Variants in KCNT1 observed in about 807,000 individuals in gnomAD.
KCNT1 encodes the protein potassium channel subfamily T member 1.
KCNT1 carries 78 observed loss-of-function variants against 147.8 expected under a neutral mutation model. The observed-to-expected ratio is 0.53, with a 90% confidence interval of 0.44 to 0.64. The LOEUF (loss-of-function observed/expected upper bound fraction) is 0.64, where lower values mean the gene tolerates loss of function less well. Ranked by LOEUF, KCNT1 falls within the 30% of genes least tolerant of loss-of-function variation. The probability of loss-of-function intolerance (pLI) is 0.00; values close to 1 mark genes in which losing one functional copy is unlikely to be tolerated. For synonymous variants in KCNT1, 867 were observed against 748.8 expected (o/e 1.16, Z -2.58); for missense variants, 1,419 against 1,750.3 (o/e 0.81, Z 3.38).
intron 24 of KCNT1, among the ~76,000 whole-genome samples, chr9:135,781,227 C>T (rs113097076): frequency 0.025 from 3,779 of 152,316 alleles, 71 homozygotes; most frequent in Middle Eastern, 0.041. Context: ...ATCAGGACAT[C>T]GGCAAAGCCT....
intron 2 of KCNT1, among the ~76,000 whole-genome samples, chr9:135,734,320 A>C (rs1418360648): frequency 6.6e-6 from 1 of 152,162 alleles, no homozygotes; most frequent in Non-Finnish European, 1.5e-5. Flanking sequence ...GGCTCCAGCC[A>C]TGGGCCCTGC....
rs368435667 is a variant in KCNT1 at position 135,721,530 on chromosome 9, G to A, written c.254+6810G>A. 5.9e-5 allele frequency among the ~76,000 whole-genome samples: 9 copies of A among 152,312 alleles called. No homozygotes were observed. The East Asian group carries it at 7.8e-4, about 13-fold the overall frequency. On this transcript the variant is annotated intron_variant, in intron 2 of 30. Transcript: ENST00000371757. ...CCAGGCAGGCTGGGGTCTCCTGGCC[G>A]GGGGAGGGTGCCGGCCATGCGCATA...
Position 135,752,632 on chromosome 9 carries a change from TGGATGGACGGACGGACGGATGGAC to T in KCNT1, c.435-1297_435-1274del, listed in dbSNP as rs1195796903. 4.0e-5 allele frequency among the ~76,000 whole-genome samples: 6 copies of T among 149,942 alleles called. No individual in the cohort carries two copies. Among genetic ancestry groups the T allele is most frequent in the African/African-American group, 1.5e-4 (6 of 40,130 alleles). ...GGTTGGATGGATGGTGGATGATGGA[TGGATGGACGGACGGACGGATGGAC>T]GGATGGATGGAGTGGATGGAGGGAT... On this transcript the variant is annotated intron_variant, in intron 4 of 30. Coordinates refer to ENST00000371757, the MANE Select transcript of KCNT1 (RefSeq NM_020822.3). This position sits in a 1 kb window ranked among gnomAD's most constrained non-coding sequence, Gnocchi z 5.1.
chr9:135,716,369 G>T lies in KCNT1; in HGVS notation c.254+1649G>T, dbSNP rs1203228126. On this transcript the variant is annotated intron_variant, in intron 2 of 30. Transcript: ENST00000371757. ...TGGACAGCAGAGGCTTTTGCTGTCC[G>T]CCTAGAGAGAACCATGCCCATCCCT... is the stretch of plus-strand genomic sequence containing the variant. Among the ~76,000 whole-genome samples, 4 of 152,130 alleles carry T rather than the reference G, an allele frequency of 2.6e-5. No individual in the cohort carries two copies. The East Asian group carries it at 5.8e-4, about 22-fold the overall frequency.
intron 2 of KCNT1, among the ~76,000 whole-genome samples, chr9:135,715,074 C>G (rs941744836): frequency 6.6e-6 from 1 of 152,172 alleles, no homozygotes; most frequent in Non-Finnish European, 1.5e-5. Flanking sequence ...GGAAGCGCCC[C>G]GGTGGCGGAG....
intron 6 of KCNT1, among the ~76,000 whole-genome samples, chr9:135,756,555 C>G (rs1831491712): frequency 6.6e-6 from 1 of 152,298 alleles, no homozygotes; most frequent in Middle Eastern, 3.4e-3. Flanking sequence ...GTTCCCTCCC[C>G]ACCAGGGCAG....
At chr9:135,753,664 T>C in intron 4 of KCNT1, 1 of 547,270 alleles carries the variant, frequency 1.8e-6, no homozygotes, top group South Asian at 2.3e-5. Context: ...ATCCCGCAGA[T>C]GTGGGATGTA....
intron 4 of KCNT1, among the ~76,000 whole-genome samples, chr9:135,751,721 A>C (rs2131414213): frequency 6.6e-6 from 1 of 152,292 alleles, no homozygotes. Context: ...TGTGGGTCCC[A>C]GGGGACATCA....
intron 2 of KCNT1, among the ~76,000 whole-genome samples, chr9:135,721,249 C>G (rs1835911531): frequency 1.3e-5 from 2 of 152,222 alleles, no homozygotes; most frequent in African/African-American, 2.4e-5. Context: ...TGCCTCCTGC[C>G]CAGAGCTGCT....
At chr9:135,777,643 C>A in intron 21 of KCNT1, 133 bp downstream of exon 21, 2 of 830,350 alleles carry the variant, frequency 2.4e-6, no homozygotes, top group Non-Finnish European at 1.9e-6. Flanking sequence ...CTGGTCCTCT[C>A]AGCTTTCCTA....
chr9:135,755,319 A>T (rs886223446), intron 6 of KCNT1, 150 bp downstream of exon 6: 3 of 584,468 alleles, frequency 5.1e-6, no homozygotes, highest in Non-Finnish European at 8.5e-6. Flanking sequence ...ACCCAGGCTC[A>T]GTGAGCACTG....
chr9:135,769,890 G>A, intron 15 of KCNT1, 57 bp from the exon 16 acceptor site: 1 of 1,279,470 alleles, frequency 7.8e-7, no homozygotes, highest in South Asian at 1.3e-5. Flanking sequence ...CAGGTACTGT[G>A]GGGGAGGAGA....
intron 6 of KCNT1, 85 bp from the exon 7 acceptor site, chr9:135,756,788 G>T (rs1171158218): frequency 1.8e-6 from 2 of 1,090,980 alleles, no homozygotes; most frequent in Admixed American, 1.7e-5. Context: ...GGCTTTGTGT[G>T]GTACCTGCCC....
chr9:135,791,410 C>T (rs1834515652), intron 29 of KCNT1: 1 of 235,686 alleles, frequency 4.2e-6, no homozygotes, highest in Non-Finnish European at 8.4e-6. Context: ...TAGATGAAGG[C>T]ATGCATGCAT....
At chr9:135,749,762 G>A (rs1460592341) in intron 2 of KCNT1, among the ~76,000 whole-genome samples, 1 of 152,050 alleles carries the variant, frequency 6.6e-6, no homozygotes, top group African/African-American at 2.4e-5. Context: ...CAGGTGCCCT[G>A]CACCCACGGA....
intron 20 of KCNT1, among the ~76,000 whole-genome samples, chr9:135,775,759 G>A (rs1833125930): frequency 6.6e-6 from 1 of 152,124 alleles, no homozygotes; most frequent in African/African-American, 2.4e-5. Flanking sequence ...AGCTCATTAG[G>A]ACAGGGACCC....
chr9:135,771,155 G>A (rs573312199), intron 18 of KCNT1, 60 bp downstream of exon 18: 30 of 1,476,744 alleles, frequency 2.0e-5, no homozygotes, highest in African/African-American at 1.5e-4. Context: ...GAGACCAGGC[G>A]GGACACCGGC....
chr9:135,755,187 C>A lies in KCNT1; in HGVS notation c.540+18C>A. 1.2e-6 allele frequency: 2 copies of A among 1,600,420 alleles called. No homozygotes were observed. Among genetic ancestry groups the A allele is most frequent in the Non-Finnish European group, 8.5e-7 (1 of 1,173,530 alleles). On this transcript the variant is annotated intron_variant, in intron 6 of 30. Transcript: ENST00000371757. ...CGATCCAGGTGAGTGCCCTACCCTG[C>A]CCCCCTCCCGACTGCAGTGGTGCTC...
chr9:135,771,123 C>T (rs749587973), intron 18 of KCNT1, 28 bp downstream of exon 18: 7 of 1,580,170 alleles, frequency 4.4e-6, no homozygotes, highest in African/African-American at 2.7e-5. Flanking sequence ...CGCGGGACTC[C>T]CTGGGCCTGC....
Sources: gnomAD v4.1 joint callset for allele counts (sites outside exome capture counted in the v4.1 genomes callset) on GRCh38, gnomAD v4.1.1 for gene constraint, Gnocchi (gnomAD v3.1) non-coding constraint, MANE v1.5 for transcripts, NCBI Gene and HGNC (gene_info 2026-07-23, HGNC 2026-07-21) for gene names.